The following MAP2 variants were observed in gnomAD, a reference collection of about 807,000 sequenced individuals.
MAP2 encodes the protein microtubule-associated protein 2.
In MAP2, 14 loss-of-function variants were observed where a neutral mutation model predicts 137.6. The observed-to-expected ratio is 0.10, with a 90% CI of 0.07 to 0.16. The LOEUF is 0.16. MAP2 is among the 10% of genes least tolerant of loss of function. The pLI, the probability that MAP2 is intolerant of heterozygous loss-of-function variation, is 1.00. For missense variants in MAP2, 2,088 were observed against 2,191.5 expected, an observed-to-expected ratio of 0.95 and a Z score of 0.94; for synonymous variants, 786 against 782.3, an observed-to-expected ratio of 1.00 and a Z score of -0.08.
At chr2:209,579,512 C>T (rs1003471313) in intron 2 of MAP2, 3 of 152,196 alleles carry the variant, frequency 2.0e-5, no homozygotes, top group African/African-American at 7.2e-5. Flanking sequence ...CTCGAAAATT[C>T]TGAGACTAGT....
At chr2:209,667,032 T>A (rs562389711) in intron 5 of MAP2, among the ~76,000 whole-genome samples, 14 of 150,540 alleles carry the variant, frequency 9.3e-5, no homozygotes, top group African/African-American at 3.2e-4. Flanking sequence ...TGTGGGAAAA[T>A]GAAAATACGA....
chr2:209,576,400 C>T (rs2075379304), intron 2 of MAP2, among the ~76,000 whole-genome samples: 1 of 151,862 alleles, frequency 6.6e-6, no homozygotes, highest in South Asian at 2.1e-4. Context: ...TGCACCACCA[C>T]ACCCAGCTAA....
intron 3 of MAP2, among the ~76,000 whole-genome samples, chr2:209,600,533 GT>G (rs1445984080): frequency 2.6e-5 from 4 of 152,206 alleles, no homozygotes; most frequent in African/African-American, 9.6e-5. Context: ...CGGGTAGACA[GT>G]TTTTCCCCCT....
chr2:209,500,089 G>A (rs1053610695), intron 1 of MAP2, among the ~76,000 whole-genome samples: 1 of 152,052 alleles, frequency 6.6e-6, no homozygotes, highest in African/African-American at 2.4e-5. Context: ...CCATTCACCT[G>A]GACTTCTGAA....
chr2:209,670,579 G>A (rs75860286), intron 5 of MAP2, among the ~76,000 whole-genome samples: 181 of 151,822 alleles, frequency 1.2e-3, no homozygotes, highest in African/African-American at 4.2e-3. Context: ...TAAATGCTAG[G>A]CCAGTTCTAT....
intron 1 of MAP2, among the ~76,000 whole-genome samples, chr2:209,463,949 T>C (rs1227971979): frequency 6.6e-6 from 1 of 152,164 alleles, no homozygotes; most frequent in African/African-American, 2.4e-5. Context: ...GTGGTTTATA[T>C]AGTTTTTGAC....
chr2:209,614,763 G>C (rs763572199), intron 3 of MAP2, among the ~76,000 whole-genome samples: 1 of 152,266 alleles, frequency 6.6e-6, no homozygotes, highest in African/African-American at 2.4e-5. Flanking sequence ...ATCACAGAAG[G>C]GGGAGGGGAG....
chr2:209,565,720 A>C (rs2073257767), intron 2 of MAP2, among the ~76,000 whole-genome samples: 1 of 152,174 alleles, frequency 6.6e-6, no homozygotes, highest in Non-Finnish European at 1.5e-5. Context: ...TAAGTTCCTA[A>C]GAAAGTCCAA....
intron 14 of MAP2, among the ~76,000 whole-genome samples, chr2:209,726,492 C>G (rs911767205): frequency 6.6e-6 from 1 of 152,146 alleles, no homozygotes; most frequent in African/African-American, 2.4e-5. Flanking sequence ...GGCATGTTGG[C>G]TCATGCCTGT....
At chr2:209,445,170 G>A (rs776109542) in intron 1 of MAP2, among the ~76,000 whole-genome samples, 1 of 151,482 alleles carries the variant, frequency 6.6e-6, no homozygotes, top group Non-Finnish European at 1.5e-5. Flanking sequence ...CCACATTTAA[G>A]TAATATTAAA....
At chr2:209,485,505 G>T (rs1246158329) in intron 1 of MAP2, among the ~76,000 whole-genome samples, 1 of 152,040 alleles carries the variant, frequency 6.6e-6, no homozygotes, top group Non-Finnish European at 1.5e-5. Flanking sequence ...GTTTTCTCCT[G>T]CATGACATTT....
chr2:209,702,527 A>G (rs1382077283), intron 11 of MAP2, among the ~76,000 whole-genome samples: 1 of 151,684 alleles, frequency 6.6e-6, no homozygotes, highest in Non-Finnish European at 1.5e-5. Context: ...ATGGGTACAT[A>G]TTAGTTGTAT....
chr2:209,726,817 G>T (rs2074235116), intron 14 of MAP2, among the ~76,000 whole-genome samples: 1 of 152,114 alleles, frequency 6.6e-6, no homozygotes, highest in South Asian at 2.1e-4. Flanking sequence ...TGTCATATTT[G>T]TAATTTTCTT....
At chr2:209,461,307 C>G (rs771817606) in intron 1 of MAP2, among the ~76,000 whole-genome samples, 34 of 152,140 alleles carry the variant, frequency 2.2e-4, no homozygotes, top group Non-Finnish European at 4.6e-4. Context: ...TTGCACTGCC[C>G]TCATTTCAAG....
At chr2:209,523,109 T>C (rs2063514563) in intron 2 of MAP2, among the ~76,000 whole-genome samples, 1 of 152,154 alleles carries the variant, frequency 6.6e-6, no homozygotes, top group Non-Finnish European at 1.5e-5. Flanking sequence ...TTATTCTCCA[T>C]GTTTTTTTCT....
intron 11 of MAP2, among the ~76,000 whole-genome samples, chr2:209,704,219 G>C (rs1390963919): frequency 6.6e-6 from 1 of 151,938 alleles, no homozygotes. Flanking sequence ...GTGATATTTG[G>C]TTTTCTTAGA....
intron 1 of MAP2, among the ~76,000 whole-genome samples, chr2:209,449,387 A>G (rs933805101): frequency 2.3e-4 from 35 of 152,294 alleles, no homozygotes; most frequent in African/African-American, 7.9e-4. Context: ...GCTTAAGAAA[A>G]CTGGATGTTT....
chr2:209,712,641 G>T (rs1020295179), intron 13 of MAP2, among the ~76,000 whole-genome samples: 4 of 152,098 alleles, frequency 2.6e-5, no homozygotes, highest in African/African-American at 9.7e-5. Context: ...CATTGCAATT[G>T]AACTGTCTTT....
intron 1 of MAP2, among the ~76,000 whole-genome samples, chr2:209,453,491 G>A (rs939299313): frequency 1.3e-5 from 2 of 152,078 alleles, no homozygotes; most frequent in Admixed American, 6.5e-5. Flanking sequence ...ACATAACAAT[G>A]CAACATAACG....
Sources: gnomAD v4.1 joint callset for allele counts (sites outside exome capture counted in the v4.1 genomes callset) on GRCh38, gnomAD v4.1.1 for gene constraint, MANE v1.5 for transcripts, NCBI Gene and HGNC (gene_info 2026-07-23, HGNC 2026-07-21) for gene names.